Variants in ARHGAP22 observed in about 807,000 individuals in gnomAD.
ARHGAP22 encodes the protein Rho GTPase activating protein 22, also known as rho GTPase-activating protein 22.
Under a neutral mutation model 59.1 loss-of-function variants are expected in ARHGAP22, and 48 were observed. That is an observed-to-expected ratio of 0.81 (90% CI 0.64 to 1.03). The LOEUF is 1.03. Among genes scored for constraint, ARHGAP22 ranks in the 50% least tolerant of loss-of-function variants. The pLI, the probability that ARHGAP22 is intolerant of heterozygous loss-of-function variation, is 0.00. For missense variants in ARHGAP22, 1,015 were observed against 958.7 expected, an observed-to-expected ratio of 1.06 and a Z score of -0.78; for synonymous variants, 445 against 416.4, an observed-to-expected ratio of 1.07 and a Z score of -0.84.
intron 3 of ARHGAP22, among the ~76,000 whole-genome samples, chr10:48,523,082 T>G (rs2053959157): frequency 6.6e-6 from 1 of 152,262 alleles, no homozygotes; most frequent in African/African-American, 2.4e-5. Flanking sequence ...TGTATCTGGA[T>G]GCAGAATACA....
chr10:48,523,015 T>A (rs1234702828), intron 3 of ARHGAP22, among the ~76,000 whole-genome samples: 1 of 152,246 alleles, frequency 6.6e-6, no homozygotes, highest in African/African-American at 2.4e-5. Context: ...GAAACCAGCC[T>A]GTACATTGAT....
the ARHGAP22 span, chr10:48,437,364 G>A: frequency 6.7e-6 from 1 of 149,748 alleles, no homozygotes; most frequent in Non-Finnish European, 1.5e-5. Flanking sequence ...TTTTTTTTTT[G>A]AAGAGAAGTT....
chr10:48,493,449 A>ACG (rs1195845435), intron 3 of ARHGAP22: 1 of 1,535,900 alleles, frequency 6.5e-7, no homozygotes. Flanking sequence ...CCCTGGGCAT[A>ACG]CGCCTGCTCC....
intron 2 of ARHGAP22, among the ~76,000 whole-genome samples, chr10:48,555,960 T>A (rs752528361): frequency 2.0e-5 from 3 of 152,144 alleles, no homozygotes; most frequent in Non-Finnish European, 4.4e-5. Flanking sequence ...GATCAACAGA[T>A]CTGTGTGCGT....
chr10:48,500,821 G>A (rs1029501250), intron 3 of ARHGAP22, among the ~76,000 whole-genome samples: 1 of 151,524 alleles, frequency 6.6e-6, no homozygotes, highest in East Asian at 1.9e-4. Flanking sequence ...AACTCAGGAG[G>A]TGGAGGTTGC....
rs367557455 is a variant in ARHGAP22, at chr10:48,540,486, C to T, written c.322+14977G>A. Among the ~76,000 whole-genome samples, 190 of 152,332 alleles carry T rather than the reference C, an allele frequency of 1.2e-3. 1 individual carries two copies. Among genetic ancestry groups the T allele is most frequent in the African/African-American group, 4.4e-3 (184 of 41,582 alleles). ...CCTCAAGTGATCCTCCCGCCTTGGC[C>T]TCCCAAAGTCCTGGGATTATAGGTG... On this transcript the variant is annotated intron_variant, in intron 3 of 9. Transcript: ENST00000249601.
chr10:48,500,283 C>A (rs2051368979), intron 3 of ARHGAP22, among the ~76,000 whole-genome samples: 1 of 152,010 alleles, frequency 6.6e-6, no homozygotes, highest in South Asian at 2.1e-4. Flanking sequence ...GAGCAAGAAG[C>A]TGAAATAAGC....
chr10:48,525,669 G>A (rs2054259008), intron 3 of ARHGAP22, among the ~76,000 whole-genome samples: 1 of 152,214 alleles, frequency 6.6e-6, no homozygotes, highest in Non-Finnish European at 1.5e-5. Flanking sequence ...GAATGTTTGA[G>A]ATTTACGGAT....
At chr10:48,604,251 T>G (rs1029781971) in intron 1 of ARHGAP22, among the ~76,000 whole-genome samples, 2 of 152,190 alleles carry the variant, frequency 1.3e-5, no homozygotes, top group Admixed American at 1.3e-4. Flanking sequence ...TGCAGCTTTC[T>G]GAGTGTTCTG....
At chr10:48,438,903 C>T in the ARHGAP22 span, 2 of 152,136 alleles carry the variant, frequency 1.3e-5, no homozygotes. Flanking sequence ...AGGAGTAAAT[C>T]TTAGTAAAAA....
intron 3 of ARHGAP22, among the ~76,000 whole-genome samples, chr10:48,504,358 T>C (rs570204282): frequency 3.3e-4 from 50 of 152,298 alleles, no homozygotes; most frequent in Admixed American, 1.2e-3. Flanking sequence ...GATGCTGTGC[T>C]TGACATATGG....
upstream of ARHGAP22, among the ~76,000 whole-genome samples, chr10:48,607,799 T>C (rs1417212773): frequency 1.3e-5 from 2 of 152,248 alleles, no homozygotes; most frequent in East Asian, 3.9e-4. Context: ...TGCCTTCACC[T>C]GGCTTCCTGC....
chr10:48,434,950 T>A, the ARHGAP22 span: 2 of 1,613,196 alleles, frequency 1.2e-6, no homozygotes, highest in Non-Finnish European at 1.7e-6. Context: ...GTGTCTTCAA[T>A]GTCAACAGAT....
chr10:48,479,457 G>T, intron 4 of ARHGAP22, 179 bp downstream of exon 4: 1 of 1,109,560 alleles, frequency 9.0e-7, no homozygotes, highest in Non-Finnish European at 1.3e-6. Context: ...GTGAGTACAC[G>T]GCAGCCGTTG....
intron 3 of ARHGAP22, among the ~76,000 whole-genome samples, chr10:48,550,682 A>C (rs1026015010): frequency 6.6e-6 from 1 of 152,184 alleles, no homozygotes; most frequent in African/African-American, 2.4e-5. Context: ...TTCATTTTTG[A>C]CTTTATATGA....
At chr10:48,550,240 C>A (rs1258137759) in intron 3 of ARHGAP22, among the ~76,000 whole-genome samples, 1 of 152,244 alleles carries the variant, frequency 6.6e-6, no homozygotes, top group East Asian at 1.9e-4. Flanking sequence ...CAGGCTCACA[C>A]AATTGCCTTT....
intron 3 of ARHGAP22, among the ~76,000 whole-genome samples, chr10:48,485,384 G>A (rs1357046786): frequency 4.6e-5 from 7 of 152,122 alleles, no homozygotes; most frequent in African/African-American, 1.7e-4. Context: ...TTAGAAGTGC[G>A]TTAGTTTCCG....
intron 1 of ARHGAP22, among the ~76,000 whole-genome samples, chr10:48,638,835 G>A (rs1351196905): frequency 7.9e-5 from 12 of 151,986 alleles, no homozygotes; most frequent in Admixed American, 7.9e-4. Context: ...ATCCTAATAA[G>A]AAAGCGGATA....
Position 48,450,987 on chromosome 10 carries a change from C to G in ARHGAP22, c.1142G>C (p.Gly381Ala). 6.4e-7 allele frequency: 1 copy of G among 1,561,076 alleles called. No individual in the cohort carries two copies. ...GGGCAGGCCGGGGCCGCCGGGCTCT[C>G]CTTGGCTGTCCCTGGTGACCTCCTC... ...GSEEVTRDSQ[G>A]EPGGPGLPAH... Residue 381 changes from glycine (G) to alanine (A), a missense_variant, in exon 9 of 10, where the codon GGA (glycine) becomes GCA (alanine). By Grantham distance (60) the Gly-to-Ala change is moderately conservative. Coordinates refer to ENST00000249601, the MANE Select transcript of ARHGAP22 (RefSeq NM_021226.4).
Sources: allele counts gnomAD v4.1 joint callset (sites outside exome capture counted in the v4.1 genomes callset), GRCh38; gene constraint gnomAD v4.1.1; transcripts MANE v1.5; gene names NCBI Gene and HGNC (gene_info 2026-07-23, HGNC 2026-07-21).